ASTN2: variants seen among roughly 807,000 people sequenced by gnomAD.
ASTN2 encodes astrotactin 2.
Under a neutral mutation model 139.8 loss-of-function variants are expected in ASTN2, and 54 were observed. That is an observed-to-expected ratio of 0.39 (90% CI 0.31 to 0.48). ASTN2 has a LOEUF of 0.48. Ranked by LOEUF, ASTN2 falls within the 20% of genes least tolerant of loss-of-function variation. The pLI is 0.95. For synonymous variants in ASTN2, 756 were observed against 719.5 expected (o/e 1.05, Z -0.81); for missense variants, 1,565 against 1,725.1 (o/e 0.91, Z 1.64).
At chr9:116,847,011 A>C in intron 11 of ASTN2, among the ~76,000 whole-genome samples, 1 of 124,500 alleles carries the variant, frequency 8.0e-6, no homozygotes, top group African/African-American at 3.2e-5. Flanking sequence ...CATTCTCAAA[A>C]AAAAAAAAAA....
At chr9:116,645,555 A>G (rs1035820214) in intron 17 of ASTN2, among the ~76,000 whole-genome samples, 4 of 152,088 alleles carry the variant, frequency 2.6e-5, no homozygotes, top group African/African-American at 7.2e-5. Context: ...GAGGACAAAA[A>G]TACCCCACAA....
At chr9:116,711,300 A>T (rs2132096023) in intron 16 of ASTN2, among the ~76,000 whole-genome samples, 1 of 152,368 alleles carries the variant, frequency 6.6e-6, no homozygotes, top group South Asian at 2.1e-4. Flanking sequence ...CACAAGTAAA[A>T]GCTGCCTAAA....
At chr9:117,044,785 G>C (rs1242431377) in intron 5 of ASTN2, among the ~76,000 whole-genome samples, 1 of 152,148 alleles carries the variant, frequency 6.6e-6, no homozygotes, top group Non-Finnish European at 1.5e-5. Context: ...AGGCACACTG[G>C]TCTGGGCATG....
chr9:117,081,853 T>C (rs1331356075), intron 5 of ASTN2, among the ~76,000 whole-genome samples: 2 of 152,124 alleles, frequency 1.3e-5, no homozygotes, highest in Admixed American at 1.3e-4. Context: ...ACATCACTCA[T>C]ACAGCTACAA....
chr9:116,479,216 G>C (rs530361989), intron 20 of ASTN2, among the ~76,000 whole-genome samples: 1 of 152,272 alleles, frequency 6.6e-6, no homozygotes, highest in African/African-American at 2.4e-5. Context: ...TTGAAAGCAA[G>C]CCCTGGAGGG....
At chr9:116,668,757 T>A (rs985413390) in intron 16 of ASTN2, among the ~76,000 whole-genome samples, 3 of 152,194 alleles carry the variant, frequency 2.0e-5, no homozygotes, top group African/African-American at 7.2e-5. Context: ...ATTGCAAAGA[T>A]CACATGGTAA....
At position 116,725,848 on chromosome 9, in the gene ASTN2, T is replaced by C; in HGVS notation, c.2729A>G (p.Tyr910Cys). ...YGSHYIAEAL[Y>C]GSELTCIIHF... The stretch of plus-strand genomic sequence containing the variant: ...GATGATGCAGGTGAGCTCTGAGCCA[T>C]AGAGGGCCTCTGCGATGTAGTGGGA... The change falls in exon 16 of 23, where the codon TAT becomes TGT. Residue 910 changes from tyrosine (Y) to cysteine (C), a missense_variant. This residue lies in a region of ASTN2 where 48 missense variants were observed against 90.7 expected (regional missense o/e 0.53). Coordinates refer to ENST00000313400, the MANE Select transcript of ASTN2 (RefSeq NM_001365068.1). The C allele has an allele frequency of 6.2e-7, 1 of 1,613,990 alleles. No individual in the cohort carries two copies. Among genetic ancestry groups the C allele is most frequent in the Non-Finnish European group, 8.5e-7 (1 of 1,180,006 alleles).
At chr9:116,441,939 G>T (rs1233171291) in intron 21 of ASTN2, among the ~76,000 whole-genome samples, 2 of 152,198 alleles carry the variant, frequency 1.3e-5, no homozygotes, top group African/African-American at 4.8e-5. Flanking sequence ...CATGCTAACT[G>T]ACTGATAATC....
chr9:116,738,030 A>C (rs1828987732), intron 13 of ASTN2, among the ~76,000 whole-genome samples: 1 of 151,344 alleles, frequency 6.6e-6, no homozygotes, highest in African/African-American at 2.4e-5. Context: ...GTCTCTACTA[A>C]AAATACAAAA....
intron 1 of ASTN2, among the ~76,000 whole-genome samples, chr9:117,340,331 CAAAAAAAAAAAAA>C (rs56228779): frequency 6.5e-4 from 26 of 40,210 alleles, no homozygotes; most frequent in Admixed American, 1.3e-3. Flanking sequence ...GACTCAGTCT[CAAAAAAAAAAAAA>C]AAAAAAAAAA....
At chr9:116,619,085 A>C (rs1439131259) in intron 18 of ASTN2, among the ~76,000 whole-genome samples, 1 of 152,126 alleles carries the variant, frequency 6.6e-6, no homozygotes, top group Non-Finnish European at 1.5e-5. Flanking sequence ...AACAAGCTGA[A>C]GACAGGACCA....
rs1849346876 is a variant in ASTN2, at chr9:116,486,636, G to A, written c.3497+723C>T. Among the ~76,000 whole-genome samples the A allele has an allele frequency of 3.3e-5, 5 of 152,132 alleles. No homozygotes were observed. The South Asian group carries it at 1.0e-3, about 32-fold the overall frequency. Reference sequence around the variant, plus strand: ...GGTGAGCTATCATTCCATAATTGGGGTACATAAGGAGAGGTGGTCTATAAA... The same window carrying A: ...GGTGAGCTATCATTCCATAATTGGGATACATAAGGAGAGGTGGTCTATAAA... On this transcript the variant is annotated intron_variant, in intron 20 of 22. Transcript: ENST00000313400.
At position 116,697,815 on chromosome 9, in the gene ASTN2, G is replaced by T; in HGVS notation, c.2806+27956C>A. Reference sequence around the variant, plus strand: ...AGTGCTAGAATGCCCCATCTGCATGGAGTCCTTCACAGAAGAGCAGCTGCG... The same window carrying T: ...AGTGCTAGAATGCCCCATCTGCATGTAGTCCTTCACAGAAGAGCAGCTGCG... On this transcript the variant is annotated intron_variant, in intron 16 of 22. Transcript: ENST00000313400. 1 of 1,614,154 alleles carries T rather than the reference G, an allele frequency of 6.2e-7. No individual in the cohort carries two copies.
chr9:116,999,499 A>G (rs1230336777), intron 7 of ASTN2, among the ~76,000 whole-genome samples: 1 of 149,382 alleles, frequency 6.7e-6, no homozygotes, highest in African/African-American at 2.5e-5. Context: ...TTGAAGATTG[A>G]AGGTTAGTAA....
At chr9:116,846,323 C>T (rs1346060925) in intron 11 of ASTN2, among the ~76,000 whole-genome samples, 1 of 152,118 alleles carries the variant, frequency 6.6e-6, no homozygotes, top group Non-Finnish European at 1.5e-5. Context: ...ACTTCAAATG[C>T]TTAAGGAGAT....
intron 19 of ASTN2, among the ~76,000 whole-genome samples, chr9:116,517,460 C>T (rs1191586661): frequency 6.6e-6 from 1 of 152,196 alleles, no homozygotes; most frequent in Admixed American, 6.5e-5. Context: ...AGGGGGAGAA[C>T]ACCACATTAA....
chr9:116,602,088 A>G (rs1854930313), intron 19 of ASTN2, among the ~76,000 whole-genome samples: 2 of 152,230 alleles, frequency 1.3e-5, no homozygotes, highest in South Asian at 2.1e-4. Context: ...GACCCTGTAG[A>G]ATGCATAGAG....
At chr9:116,629,164 C>T (rs1258914059) in intron 17 of ASTN2, among the ~76,000 whole-genome samples, 1 of 135,294 alleles carries the variant, frequency 7.4e-6, no homozygotes, top group Admixed American at 8.2e-5. Flanking sequence ...GTTGCCCAGG[C>T]TGGAGTGCAG....
At chr9:116,900,339 C>T (rs1366682255) in intron 10 of ASTN2, among the ~76,000 whole-genome samples, 1 of 152,110 alleles carries the variant, frequency 6.6e-6, no homozygotes, top group East Asian at 1.9e-4. Flanking sequence ...CATCAAGATT[C>T]AGAGAGTGTG....
Sources: gnomAD v4.1 joint callset for allele counts (sites outside exome capture counted in the v4.1 genomes callset) on GRCh38, gnomAD v4.1.1 for gene constraint, gnomAD v4.1.1 regional missense constraint, MANE v1.5 for transcripts, NCBI Gene and HGNC (gene_info 2026-07-23, HGNC 2026-07-21) for gene names.